Variants in PRKCA observed in about 807,000 individuals in gnomAD.
PRKCA encodes the protein protein kinase C alpha.
A neutral mutation model predicts 87.0 loss-of-function variants in PRKCA; 27 were observed. The observed-to-expected ratio is 0.31, with a 90% CI of 0.23 to 0.43. PRKCA has a LOEUF of 0.43. PRKCA is among the 20% of genes least tolerant of loss of function. PRKCA has a pLI of 1.00. For missense variants in PRKCA, 518 were observed against 852.3 expected, an observed-to-expected ratio of 0.61 and a Z score of 4.88; for synonymous variants, 329 against 311.1, an observed-to-expected ratio of 1.06 and a Z score of -0.61.
chr17:66,588,042 T>A, intron 3 of PRKCA, among the ~76,000 whole-genome samples: 1 of 151,692 alleles, frequency 6.6e-6, no homozygotes, highest in Non-Finnish European at 1.5e-5. Context: ...TTACTAGCTT[T>A]GGCAACTTGC....
intron 5 of PRKCA, among the ~76,000 whole-genome samples, chr17:66,666,994 C>T (rs1312457113): frequency 6.6e-6 from 1 of 152,156 alleles, no homozygotes; most frequent in Admixed American, 6.5e-5. Flanking sequence ...CTTCTGTTCA[C>T]AGTAGAAAGA....
At chr17:66,354,923 A>G (rs1907962847) in intron 2 of PRKCA, among the ~76,000 whole-genome samples, 1 of 151,896 alleles carries the variant, frequency 6.6e-6, no homozygotes. Flanking sequence ...ACTGTTATTG[A>G]TGGTTATTTT....
chr17:66,810,000 C>T lies in PRKCA; in HGVS notation c.*5963C>T, dbSNP rs142998236. 6.6e-6 allele frequency: 1 copy of T among 152,328 alleles called. No individual in the cohort carries two copies. The highest frequency in any genetic ancestry group is 1.5e-5 in the Non-Finnish European group (1 of 68,040). The allele number at this position is 152,328 out of a possible 1,614,324, so 9.4% of individuals were successfully genotyped here. ...GCAACTCAGAAATACTTCGATCTCC[C>T]AAGATATAAGAGGCAGCAGCAAACG... On this transcript the variant is annotated 3_prime_UTR_variant, in exon 17 of 17. Coordinates refer to ENST00000413366, the MANE Select transcript of PRKCA (RefSeq NM_002737.3).
intron 2 of PRKCA, among the ~76,000 whole-genome samples, chr17:66,421,426 CTG>C (rs1232232243): frequency 2.9e-4 from 22 of 77,138 alleles, no homozygotes; most frequent in Non-Finnish European, 4.8e-4. Flanking sequence ...GCCACAGCCT[CTG>C]TTTTTTTTTT....
intron 5 of PRKCA, among the ~76,000 whole-genome samples, chr17:66,671,695 G>A (rs145354160): frequency 3.3e-4 from 51 of 152,288 alleles, no homozygotes; most frequent in African/African-American, 1.1e-3. Context: ...AGAAAGCAGT[G>A]GAAGTAGAAT....
At chr17:66,478,443 G>A (rs1025081115) in intron 2 of PRKCA, among the ~76,000 whole-genome samples, 3 of 151,804 alleles carry the variant, frequency 2.0e-5, no homozygotes, top group African/African-American at 4.8e-5. Flanking sequence ...TAGTAGAGAC[G>A]GGGTTTCACC....
rs530609809 is a variant in PRKCA, at chr17:66,530,389, C to G, written c.288+34106C>G. On this transcript the variant is annotated intron_variant, in intron 3 of 16. Transcript: ENST00000413366. ...GTGTACTCTCAGTTTTTAAGGTTCT[C>G]CCAAAACAGGGAAACTGAAAAATAC... Among the ~76,000 whole-genome samples the G allele has an allele frequency of 8.3e-4, 126 of 152,278 alleles. 2 individuals are homozygous for G. The South Asian group carries it at 0.016, about 19-fold the overall frequency.
At chr17:66,349,265 T>G (rs1907587984) in intron 2 of PRKCA, among the ~76,000 whole-genome samples, 1 of 152,154 alleles carries the variant, frequency 6.6e-6, no homozygotes, top group African/African-American at 2.4e-5. Context: ...GCAGTAAAGT[T>G]TTTGTCTTGA....
intron 13 of PRKCA, among the ~76,000 whole-genome samples, chr17:66,743,097 G>A (rs762903950): frequency 1.3e-5 from 2 of 152,324 alleles, no homozygotes; most frequent in African/African-American, 2.4e-5. Flanking sequence ...TTGGGAGCCC[G>A]AGGTGGGTGG....
At chr17:66,312,646 C>T (rs1412332448) in intron 2 of PRKCA, among the ~76,000 whole-genome samples, 1 of 151,452 alleles carries the variant, frequency 6.6e-6, no homozygotes, top group Admixed American at 6.6e-5. Context: ...CAGATGATAT[C>T]TGTTTCACCT....
chr17:66,728,664 C>T (rs865920260), intron 8 of PRKCA, among the ~76,000 whole-genome samples: 1 of 152,210 alleles, frequency 6.6e-6, no homozygotes, highest in Non-Finnish European at 1.5e-5. Flanking sequence ...ACAAGGCCGT[C>T]GTTAGGTTAT....
intron 8 of PRKCA, among the ~76,000 whole-genome samples, chr17:66,714,341 G>A (rs1225127806): frequency 6.6e-6 from 1 of 152,132 alleles, no homozygotes; most frequent in Non-Finnish European, 1.5e-5. Flanking sequence ...AGGGAAAAGT[G>A]TCCTGACCTC....
chr17:66,478,369 C>T (rs1410177200), intron 2 of PRKCA, among the ~76,000 whole-genome samples: 1 of 152,176 alleles, frequency 6.6e-6, no homozygotes, highest in African/African-American at 2.4e-5. Context: ...ATTCTCCTGC[C>T]TCAGCCTCCC....
chr17:66,656,711 G>C (rs921659472), intron 5 of PRKCA, among the ~76,000 whole-genome samples: 10 of 152,146 alleles, frequency 6.6e-5, no homozygotes, highest in African/African-American at 2.4e-4. Context: ...TTGTTTCCCG[G>C]TTCTCCATCA....
intron 5 of PRKCA, among the ~76,000 whole-genome samples, chr17:66,664,057 A>G (rs1971977242): frequency 6.6e-6 from 1 of 151,788 alleles, no homozygotes; most frequent in Non-Finnish European, 1.5e-5. Flanking sequence ...TAGTAGAGAT[A>G]GGGTTTCGCC....
chr17:66,437,731 T>TTTTTTTTTTTGTGGGG (rs55779501), intron 2 of PRKCA, among the ~76,000 whole-genome samples: 1 of 11,142 alleles, frequency 9.0e-5, no homozygotes, highest in Non-Finnish European at 1.6e-4. Flanking sequence ...TTTTTTTTTT[T>TTTTTTTTTTTGTGGGG]GAGCGGGGGG....
chr17:66,643,324 G>A (rs984040915), intron 4 of PRKCA, among the ~76,000 whole-genome samples: 1 of 152,178 alleles, frequency 6.6e-6, no homozygotes, highest in Non-Finnish European at 1.5e-5. Context: ...TTTTCTGCAT[G>A]AATGAGGATT....
intron 5 of PRKCA, among the ~76,000 whole-genome samples, chr17:66,664,647 G>GTTTTT (rs398031366): frequency 3.0e-5 from 2 of 67,788 alleles, no homozygotes; most frequent in Non-Finnish European, 2.7e-5. Context: ...TTTTGCTTTG[G>GTTTTT]TTTTTTTTTT....
intron 5 of PRKCA, among the ~76,000 whole-genome samples, chr17:66,685,047 A>C (rs1302831601): frequency 6.6e-6 from 1 of 152,170 alleles, no homozygotes; most frequent in Non-Finnish European, 1.5e-5. Flanking sequence ...AGCTTGGTGA[A>C]TTCTCCAGTG....
Sources: allele counts gnomAD v4.1 joint callset (sites outside exome capture counted in the v4.1 genomes callset), GRCh38; gene constraint gnomAD v4.1.1; transcripts MANE v1.5; gene names NCBI Gene and HGNC (gene_info 2026-07-23, HGNC 2026-07-21).